PRKG1: variants seen among roughly 807,000 people sequenced by gnomAD.
The protein encoded by PRKG1 is cGMP-dependent protein kinase 1.
PRKG1 carries 35 observed loss-of-function variants against 88.1 expected under a neutral mutation model. The observed-to-expected ratio is 0.40, with a 90% CI of 0.30 to 0.53. PRKG1 has a LOEUF of 0.53. Ranked by LOEUF, PRKG1 falls within the 20% of genes least tolerant of loss-of-function variation. The pLI is 0.59. For missense variants in PRKG1, 540 were observed against 839.8 expected, an observed-to-expected ratio of 0.64 and a Z score of 4.41; for synonymous variants, 303 against 292.5, an observed-to-expected ratio of 1.04 and a Z score of -0.37.
At chr10:51,494,304 A>G (rs1840791405) in intron 3 of PRKG1, among the ~76,000 whole-genome samples, 1 of 152,202 alleles carries the variant, frequency 6.6e-6, no homozygotes, top group Non-Finnish European at 1.5e-5. Context: ...TCTTGAAAGG[A>G]CACATTTTTC....
chr10:52,147,163 T>C (rs899368612), intron 8 of PRKG1, among the ~76,000 whole-genome samples: 1 of 152,002 alleles, frequency 6.6e-6, no homozygotes, highest in African/African-American at 2.4e-5. Flanking sequence ...CTCTGAAATG[T>C]CAAAAGTAAA....
At chr10:51,394,447 A>G (rs1023694908) in intron 2 of PRKG1, among the ~76,000 whole-genome samples, 3 of 152,256 alleles carry the variant, frequency 2.0e-5, no homozygotes, top group African/African-American at 7.2e-5. Context: ...TTTAAAAGTC[A>G]GGACTAGATC....
chr10:51,657,116 G>T (rs1418932276), intron 3 of PRKG1, among the ~76,000 whole-genome samples: 1 of 152,098 alleles, frequency 6.6e-6, no homozygotes, highest in Admixed American at 6.6e-5. Context: ...GTAGTAGGTG[G>T]TGTCTACTGT....
Position 50,991,305 on chromosome 10 carries a change from G to T in PRKG1, c.-74G>T, listed in dbSNP as rs966193875. 5.8e-6 allele frequency: 8 copies of T among 1,383,860 alleles called. No homozygotes were observed. Among genetic ancestry groups the T allele is most frequent in the Middle Eastern group, 2.2e-4 (1 of 4,524 alleles). The allele number at this position is 1,383,860 out of a possible 1,614,324, so 85.7% of individuals were successfully genotyped here. A position where few individuals can be genotyped will look rare whatever the true frequency, so the allele number is the denominator to read the frequency against. On this transcript the variant is annotated 5_prime_UTR_variant, in exon 1 of 18. Coordinates refer to the PRKG1 transcript ENST00000401604. The surrounding 1 kb of genome is among the most constrained non-coding windows in gnomAD (Gnocchi z 4.5). ...CCCGCGCTCTCCGCTGCCGGCTGCC[G>T]TCCCAGCCGCCGCCGCCGCCGCCGC...
chr10:52,177,832 C>A (rs1027399264), intron 9 of PRKG1, among the ~76,000 whole-genome samples: 3 of 151,064 alleles, frequency 2.0e-5, no homozygotes, highest in Non-Finnish European at 3.0e-5. Context: ...TCTGTGGTCT[C>A]TATTGTGATG....
intron 2 of PRKG1, among the ~76,000 whole-genome samples, chr10:51,298,359 C>G (rs1840778081): frequency 6.6e-6 from 1 of 152,154 alleles, no homozygotes; most frequent in Admixed American, 6.5e-5. Flanking sequence ...GATTTAGGTT[C>G]TGAGTTGGAC....
chr10:51,552,141 A>G (rs1837154516), intron 3 of PRKG1, among the ~76,000 whole-genome samples: 1 of 151,670 alleles, frequency 6.6e-6, no homozygotes, highest in Non-Finnish European at 1.5e-5. Context: ...CTTATCTCAG[A>G]TGGTGATTAT....
chr10:51,559,193 G>T (rs189422092), intron 3 of PRKG1, among the ~76,000 whole-genome samples: 2 of 152,132 alleles, frequency 1.3e-5, no homozygotes, highest in East Asian at 3.9e-4. Flanking sequence ...GATAAAGGGG[G>T]ACTTCTGCAA....
At chr10:51,616,054 G>A (rs113205753) in intron 3 of PRKG1, among the ~76,000 whole-genome samples, 1,598 of 152,266 alleles carry the variant, frequency 0.01, 18 homozygotes, top group Admixed American at 0.016. Flanking sequence ...AGTTGTCTCT[G>A]TATGAACTAT....
At chr10:51,673,457 T>C (rs1840633669) in intron 3 of PRKG1, among the ~76,000 whole-genome samples, 1 of 152,094 alleles carries the variant, frequency 6.6e-6, no homozygotes, top group African/African-American at 2.4e-5. Flanking sequence ...AAATTGGAGA[T>C]AAAGTCAGAA....
intron 1 of PRKG1, among the ~76,000 whole-genome samples, chr10:51,068,041 G>T (rs972881853): frequency 2.6e-5 from 4 of 152,032 alleles, no homozygotes; most frequent in East Asian, 1.9e-4. Context: ...AATACATAGT[G>T]AATGTATGCA....
At chr10:51,447,206 T>C (rs1839298534) in intron 2 of PRKG1, among the ~76,000 whole-genome samples, 1 of 151,880 alleles carries the variant, frequency 6.6e-6, no homozygotes, top group Admixed American at 6.6e-5. Flanking sequence ...TTTAGATCAG[T>C]TTTTGAAGCC....
chr10:51,441,612 G>C (rs1483778706), intron 2 of PRKG1, among the ~76,000 whole-genome samples: 1 of 151,682 alleles, frequency 6.6e-6, no homozygotes, highest in Non-Finnish European at 1.5e-5. Flanking sequence ...AATCCACACA[G>C]AAGTTGAGAA....
intron 8 of PRKG1, among the ~76,000 whole-genome samples, chr10:52,157,392 T>A (rs1838150638): frequency 6.7e-6 from 1 of 148,216 alleles, no homozygotes. Flanking sequence ...ATGCTATGAT[T>A]TTTTAGCAGT....
At chr10:51,355,866 G>A (rs767871635) in intron 2 of PRKG1, among the ~76,000 whole-genome samples, 42 of 151,942 alleles carry the variant, frequency 2.8e-4, no homozygotes, top group Non-Finnish European at 5.9e-4. Flanking sequence ...TGCCACCATC[G>A]CATTTATGTT....
At chr10:51,577,905 C>T (rs372574087) in intron 3 of PRKG1, among the ~76,000 whole-genome samples, 1 of 152,076 alleles carries the variant, frequency 6.6e-6, no homozygotes, top group Non-Finnish European at 1.5e-5. Context: ...AATTGACAGG[C>T]AGTTTTTTAA....
At chr10:52,027,370 C>T (rs900569013) in intron 5 of PRKG1, among the ~76,000 whole-genome samples, 1 of 152,100 alleles carries the variant, frequency 6.6e-6, no homozygotes, top group Non-Finnish European at 1.5e-5. Context: ...TTAATTGGCA[C>T]GGATCTTATA....
chr10:51,616,045 G>C (rs1012145866), intron 3 of PRKG1, among the ~76,000 whole-genome samples: 1 of 152,152 alleles, frequency 6.6e-6, no homozygotes, highest in Admixed American at 6.5e-5. Context: ...ATGCAGTAAA[G>C]TTGTCTCTGT....
chr10:51,031,251 C>T (rs953350245), intron 1 of PRKG1, among the ~76,000 whole-genome samples: 1 of 152,064 alleles, frequency 6.6e-6, no homozygotes, highest in East Asian at 1.9e-4. Flanking sequence ...ATCTCCTAGG[C>T]CCTTCATATA....
Sources: allele counts gnomAD v4.1 joint callset (sites outside exome capture counted in the v4.1 genomes callset), GRCh38; gene constraint gnomAD v4.1.1; non-coding constraint Gnocchi (gnomAD v3.1); transcripts MANE v1.5; gene names NCBI Gene and HGNC (gene_info 2026-07-23, HGNC 2026-07-21).